VAPB: variants seen among roughly 807,000 people sequenced by gnomAD.
The protein encoded by VAPB is vesicle-associated membrane protein-associated protein B/C.
VAPB carries 7 observed loss-of-function variants against 25.6 expected under a neutral mutation model. The ratio of observed to expected loss-of-function variants is 0.27; its 90% CI spans 0.16 to 0.51. The LOEUF (loss-of-function observed/expected upper bound fraction) is 0.51. Ranked by LOEUF, VAPB falls within the 20% of genes least tolerant of loss-of-function variation. The probability of loss-of-function intolerance (pLI) is 0.97; values close to 1 mark genes in which losing one functional copy is unlikely to be tolerated. For missense variants in VAPB, 266 were observed against 301.3 expected (o/e 0.88, Z 0.87); for synonymous variants, 112 against 109.2 (o/e 1.03, Z -0.16).
In VAPB at chr20:58,418,185, CA is replaced by C. The variant is rs771042369; in HGVS notation, c.59-24del. On this transcript the variant is annotated intron_variant, in intron 1 of 5. Coordinates refer to ENST00000475243, the MANE Select transcript of VAPB (RefSeq NM_004738.5). ...TTCTAAACTTTCCTCATGAGACCCC[CA>C]ATCAGTCTCTGTCTCATTCTACAGG... 9.3e-6 allele frequency: 15 copies of C among 1,614,028 alleles called. No homozygotes were observed. The South Asian group carries it at 1.4e-4, about 15-fold the overall frequency.
Position 58,449,980 on chromosome 20 carries a change from A to T in VAPB, c.*5745A>T, listed in dbSNP as rs1187692786. 2.2e-6 allele frequency: 1 copy of T among 453,900 alleles called. No individual in the cohort carries two copies. The highest frequency in any genetic ancestry group is 4.4e-6 in the Non-Finnish European group (1 of 226,800). The allele number at this position is 453,900 out of a possible 1,614,324, so 28.1% of individuals were successfully genotyped here. A position where few individuals can be genotyped will look rare whatever the true frequency, so the allele number is the denominator to read the frequency against. On this transcript the variant is annotated 3_prime_UTR_variant, in exon 6 of 6. Transcript: ENST00000475243. The stretch of plus-strand genomic sequence containing the variant: ...ATGCCAACTAAGGGAGACTAATCAG[A>T]TATCTTAACACAATTTCATCCAGGC...
chr20:58,450,377 G>A lies in VAPB; in HGVS notation c.*6142G>A, dbSNP rs1277603052. ...CTGTCTGTTTGCTACTATATGAGGT[G>A]CTGCGAAATTAGTGGGCGTGGCTTT... On this transcript the variant is annotated 3_prime_UTR_variant, in exon 6 of 6. Coordinates refer to ENST00000475243, the MANE Select transcript of VAPB (RefSeq NM_004738.5). 2.2e-6 allele frequency: 1 copy of A among 453,990 alleles called. No individual in the cohort carries two copies. The highest frequency in any genetic ancestry group is 1.6e-5 in the South Asian group (1 of 64,464). 28.1% of individuals were successfully genotyped at this position (453,990 alleles called of 1,614,324 possible).
chr20:58,411,880 C>T (rs926945459), intron 1 of VAPB, among the ~76,000 whole-genome samples: 15 of 152,102 alleles, frequency 9.9e-5, no homozygotes, highest in Admixed American at 4.6e-4. Context: ...GGGGTTTCAC[C>T]GTGTTAGCCA....
At chr20:58,432,206 T>A (rs1176439584) in intron 2 of VAPB, 1 of 152,204 alleles carries the variant, frequency 6.6e-6, no homozygotes, top group African/African-American at 2.4e-5. Context: ...CTGGGGCTGT[T>A]TTTTGGGGGT....
chr20:58,440,983 GTTC>G lies in VAPB; in HGVS notation c.479_481del (p.Ser160del), dbSNP rs566283411. On this transcript the variant is annotated inframe_deletion, in exon 5 of 6. Transcript: ENST00000475243. ...ACACCAATAGTGTCTAAGTCTCTGA[GTTC>G]TTCTTTGGATGACACCGAAGTTAAG... 2.7e-3 allele frequency: 4,358 copies of G among 1,614,114 alleles called. 12 individuals carry two copies. Among genetic ancestry groups the G allele is most frequent in the Non-Finnish European group, 3.4e-3 (4,029 of 1,180,026 alleles).
In VAPB at chr20:58,448,720, T is replaced by G. The variant is rs188232883; in HGVS notation, c.*4485T>G. 4.4e-6 allele frequency: 2 copies of G among 453,878 alleles called. No individual in the cohort carries two copies. 28.1% of individuals were successfully genotyped at this position (453,878 alleles called of 1,614,324 possible). Reference sequence around the variant, plus strand: ...TATTTTCACACTAAAGTAAGTAGAATTAAGACTGTAGTTCAGATGCTTTTT... The same window carrying G: ...TATTTTCACACTAAAGTAAGTAGAAGTAAGACTGTAGTTCAGATGCTTTTT... On this transcript the variant is annotated 3_prime_UTR_variant, in exon 6 of 6. Transcript: ENST00000475243.
chr20:58,395,575 C>T (rs748522543), intron 1 of VAPB, among the ~76,000 whole-genome samples: 3 of 152,134 alleles, frequency 2.0e-5, no homozygotes, highest in Non-Finnish European at 2.9e-5. Context: ...GTGCTGAGTT[C>T]CATTAGTCAA....
chr20:58,438,091 G>T (rs1204572749), intron 3 of VAPB, among the ~76,000 whole-genome samples: 3 of 152,138 alleles, frequency 2.0e-5, no homozygotes, highest in East Asian at 1.9e-4. Context: ...TCTCACTACA[G>T]CCTGGAGGGA....
intron 1 of VAPB, among the ~76,000 whole-genome samples, chr20:58,405,031 G>A (rs1988190762): frequency 6.6e-6 from 1 of 152,036 alleles, no homozygotes; most frequent in Non-Finnish European, 1.5e-5. Context: ...TATATATGAT[G>A]TGGTGTCAGG....
chr20:58,391,475 A>G (rs2123010238), intron 1 of VAPB, among the ~76,000 whole-genome samples: 1 of 152,248 alleles, frequency 6.6e-6, no homozygotes, highest in African/African-American at 2.4e-5. Context: ...CAGACAGAGG[A>G]AATTGCATGC....
intron 2 of VAPB, among the ~76,000 whole-genome samples, 188 bp downstream of exon 2, chr20:58,418,551 GT>G (rs1036529237): frequency 9.2e-4 from 119 of 128,788 alleles, no homozygotes; most frequent in African/African-American, 3.5e-3. Context: ...CCAGTCGCCT[GT>G]TTTTTTCATA....
At position 58,446,409 on chromosome 20, in the gene VAPB, C is replaced by T. The variant is rs1305367067; in HGVS notation, c.*2174C>T. ...CCCAACAGTGCCTAGGGGTACAGTA[C>T]AGTCCCATTACACTAGAGCAGGGCT... On this transcript the variant is annotated 3_prime_UTR_variant, in exon 6 of 6. Coordinates refer to ENST00000475243, the MANE Select transcript of VAPB (RefSeq NM_004738.5). 6.6e-6 allele frequency: 3 copies of T among 453,982 alleles called. No homozygotes were observed. The highest frequency in any genetic ancestry group is 4.7e-5 in the Admixed American group (2 of 42,554). The allele number at this position is 453,982 out of a possible 1,614,324, so 28.1% of individuals were successfully genotyped here. A position where few individuals can be genotyped will look rare whatever the true frequency, so the allele number is the denominator to read the frequency against.
At chr20:58,437,147 A>G (rs1372681617) in intron 3 of VAPB, among the ~76,000 whole-genome samples, 1 of 151,254 alleles carries the variant, frequency 6.6e-6, no homozygotes, top group East Asian at 1.9e-4. Flanking sequence ...TTATTTTTTT[A>G]TAGAGTTGGG....
At chr20:58,434,058 C>A (rs1242645273) in intron 2 of VAPB, among the ~76,000 whole-genome samples, 1 of 152,078 alleles carries the variant, frequency 6.6e-6, no homozygotes, top group East Asian at 1.9e-4. Context: ...TAAGCTGATA[C>A]CGTTTTCCCT....
At chr20:58,423,728 A>G (rs1568711996) in intron 2 of VAPB, among the ~76,000 whole-genome samples, 3 of 152,196 alleles carry the variant, frequency 2.0e-5, no homozygotes, top group Admixed American at 6.5e-5. Context: ...GAGCTTCTTA[A>G]CAGCAACATT....
At chr20:58,422,886 A>AG (rs765020533) in intron 2 of VAPB, among the ~76,000 whole-genome samples, 20 of 152,148 alleles carry the variant, frequency 1.3e-4, no homozygotes, top group Non-Finnish European at 2.1e-4. Flanking sequence ...CTGTGTGTGG[A>AG]GGGGGGCATT....
intron 2 of VAPB, among the ~76,000 whole-genome samples, chr20:58,430,250 C>CTT (rs36004702): frequency 0.019 from 2,778 of 146,176 alleles, 75 homozygotes; most frequent in African/African-American, 0.064. Flanking sequence ...GCCAATTTTT[C>CTT]TTTTTTTTTT....
Position 58,447,953 on chromosome 20 carries a change from C to A in VAPB, c.*3718C>A, listed in dbSNP as rs773017256. The stretch of plus-strand genomic sequence containing the variant: ...TCCTGAGACCTTCTCGGTGTAGAGG[C>A]CACTGCTTCCCCCTGCTGGAGATGG... On this transcript the variant is annotated 3_prime_UTR_variant, in exon 6 of 6. Coordinates refer to ENST00000475243, the MANE Select transcript of VAPB (RefSeq NM_004738.5). 6.6e-6 allele frequency: 3 copies of A among 453,694 alleles called. No homozygotes were observed. The highest frequency in any genetic ancestry group is 1.3e-5 in the Non-Finnish European group (3 of 226,688). 28.1% of individuals were successfully genotyped at this position (453,694 alleles called of 1,614,324 possible).
rs139884809 is a variant in VAPB, at chr20:58,441,002, C to T, written c.492C>T (p.Thr164=). 2.9e-4 allele frequency: 460 copies of T among 1,613,722 alleles called. 1 individual carries two copies. Among genetic ancestry groups the T allele is most frequent in the Non-Finnish European group, 3.7e-4 (434 of 1,180,006 alleles). Residue 164 remains threonine (T), a synonymous_variant, in exon 5 of 6, where the codon ACC becomes ACT. Coordinates refer to ENST00000475243, the MANE Select transcript of VAPB (RefSeq NM_004738.5). The part of the protein sequence containing the change: ...SKSLSSSLDD[T]EVKKVMEECK... ...CTCTGAGTTCTTCTTTGGATGACAC[C>T]GAAGTTAAGAAGGTTATGGAAGAAT... is the stretch of plus-strand genomic sequence containing the variant.
Sources: allele counts gnomAD v4.1 joint callset (sites outside exome capture counted in the v4.1 genomes callset), GRCh38; gene constraint gnomAD v4.1.1; transcripts MANE v1.5; gene names NCBI Gene and HGNC (gene_info 2026-07-23, HGNC 2026-07-21).